The following CCSER1 variants were observed in gnomAD, a reference collection of about 807,000 sequenced individuals.
CCSER1 encodes coiled-coil serine rich protein 1, also known as serine-rich coiled-coil domain-containing protein 1.
Under a neutral mutation model 82.0 loss-of-function variants are expected in CCSER1, and 41 were observed. The observed-to-expected ratio is 0.50, with a 90% CI of 0.39 to 0.65. CCSER1 has a LOEUF of 0.65. Among genes scored for constraint, CCSER1 ranks in the 30% least tolerant of loss-of-function variants. The probability of loss-of-function intolerance (pLI) is 0.00; values close to 1 mark genes in which losing one functional copy is unlikely to be tolerated. For synonymous variants in CCSER1, 414 were observed against 383.9 expected, an observed-to-expected ratio of 1.08 and a Z score of -0.92; for missense variants, 1,119 against 1,064.2, an observed-to-expected ratio of 1.05 and a Z score of -0.72.
chr4:90,957,495 A>T lies in CCSER1; in HGVS notation c.2172+34048A>T, dbSNP rs1433690872. 4.0e-5 allele frequency among the ~76,000 whole-genome samples: 5 copies of T among 125,432 alleles called. No individual in the cohort carries two copies. The South Asian group carries it at 1.2e-3, about 30-fold the overall frequency. 82.3% of individuals were successfully genotyped at this position (125,432 alleles called of 152,430 possible). A position where few individuals can be genotyped will look rare whatever the true frequency, so the allele number is the denominator to read the frequency against. On this transcript the variant is annotated intron_variant, in intron 9 of 10. Transcript: ENST00000509176. Reference sequence around the variant, plus strand: ...ACATAATTTATATTATAATATTATTATATAATATTATATAATATAACATAA... The same window carrying T: ...ACATAATTTATATTATAATATTATTTTATAATATTATATAATATAACATAA...
chr4:91,544,693 C>G (rs1761790172), intron 10 of CCSER1, among the ~76,000 whole-genome samples: 1 of 152,160 alleles, frequency 6.6e-6, no homozygotes, highest in Non-Finnish European at 1.5e-5. Flanking sequence ...GAGGGGCACC[C>G]TGCTATGTGA....
chr4:91,403,825 G>A (rs1046441181), intron 10 of CCSER1, among the ~76,000 whole-genome samples: 8 of 152,026 alleles, frequency 5.3e-5, no homozygotes, highest in East Asian at 3.9e-4. Context: ...TTTTTGCATC[G>A]ATGTTCATCA....
chr4:90,337,301 T>G (rs76297802), intron 3 of CCSER1, among the ~76,000 whole-genome samples: 2,213 of 152,218 alleles, frequency 0.015, 69 homozygotes, highest in African/African-American at 0.05. Context: ...TCCATATTGA[T>G]CAAGGAGTGC....
intron 10 of CCSER1, among the ~76,000 whole-genome samples, chr4:91,278,181 G>A (rs894056901): frequency 6.6e-6 from 1 of 152,064 alleles, no homozygotes; most frequent in Admixed American, 6.5e-5. Flanking sequence ...GTAAATGTCT[G>A]CTAGGTCCAT....
At chr4:91,112,785 T>C (rs1030120865) in intron 10 of CCSER1, 2 of 152,192 alleles carry the variant, frequency 1.3e-5, no homozygotes, top group African/African-American at 4.8e-5. Flanking sequence ...ATCTTCAGCC[T>C]CTCTTCTATA....
chr4:90,767,842 A>ATT, intron 7 of CCSER1, among the ~76,000 whole-genome samples: 4 of 151,672 alleles, frequency 2.6e-5, no homozygotes, highest in Admixed American at 2.6e-4. Context: ...TTATTTTTGT[A>ATT]TTTTTTTGCC....
chr4:91,127,284 T>G (rs750192432), intron 10 of CCSER1, among the ~76,000 whole-genome samples: 1 of 151,936 alleles, frequency 6.6e-6, no homozygotes, highest in Non-Finnish European at 1.5e-5. Flanking sequence ...TGAAAAAAAT[T>G]GAGAGATCCT....
intron 10 of CCSER1, among the ~76,000 whole-genome samples, chr4:91,147,637 G>A (rs1198851299): frequency 1.3e-5 from 2 of 152,146 alleles, no homozygotes; most frequent in African/African-American, 4.8e-5. Context: ...TTTATTTTCT[G>A]GCCCCTTAGG....
chr4:91,463,747 G>C (rs113730283), intron 10 of CCSER1, among the ~76,000 whole-genome samples: 1,553 of 152,212 alleles, frequency 0.01, 11 homozygotes, highest in Middle Eastern at 0.02. Flanking sequence ...GGGAAGAAAG[G>C]GTATCAGTGA....
intron 5 of CCSER1, among the ~76,000 whole-genome samples, chr4:90,489,644 A>G (rs1235956163): frequency 6.6e-6 from 1 of 152,136 alleles, no homozygotes; most frequent in Non-Finnish European, 1.5e-5. Context: ...TACATTAGGT[A>G]TATTTCCTAA....
At chr4:91,319,166 T>C (rs7683541) in intron 10 of CCSER1, 145,233 of 220,732 alleles carry the variant, frequency 0.66, 48,419 homozygotes, top group African/African-American at 0.76. Flanking sequence ...AGATGATGCA[T>C]AAGTTTACAT....
chr4:90,234,203 C>T (rs1209227915), intron 1 of CCSER1, among the ~76,000 whole-genome samples: 2 of 151,444 alleles, frequency 1.3e-5, no homozygotes, highest in Non-Finnish European at 2.9e-5. Flanking sequence ...CGTACCTCAG[C>T]CTCTCTTATT....
intron 10 of CCSER1, among the ~76,000 whole-genome samples, chr4:91,279,106 T>C (rs967301493): frequency 1.3e-5 from 2 of 152,052 alleles, no homozygotes; most frequent in Non-Finnish European, 2.9e-5. Flanking sequence ...CATTCTCTCC[T>C]GGCCTGTGAG....
At chr4:91,487,901 T>C (rs1445289632) in intron 10 of CCSER1, among the ~76,000 whole-genome samples, 1 of 152,008 alleles carries the variant, frequency 6.6e-6, no homozygotes. Context: ...TATGACATGG[T>C]ATACATACCT....
chr4:91,200,816 A>C (rs1329546402), intron 10 of CCSER1, among the ~76,000 whole-genome samples: 1 of 152,026 alleles, frequency 6.6e-6, no homozygotes, highest in Non-Finnish European at 1.5e-5. Context: ...GGTTATGTAG[A>C]TACATTAATT....
At chr4:90,372,360 G>A (rs1225133684) in intron 3 of CCSER1, among the ~76,000 whole-genome samples, 1 of 152,146 alleles carries the variant, frequency 6.6e-6, no homozygotes, top group African/African-American at 2.4e-5. Context: ...GGAGAAGAAA[G>A]CAATATTGTG....
intron 8 of CCSER1, among the ~76,000 whole-genome samples, chr4:90,867,334 T>G (rs1765868588): frequency 6.6e-6 from 1 of 152,100 alleles, no homozygotes; most frequent in African/African-American, 2.4e-5. Flanking sequence ...GTAATTCATC[T>G]TTCAAATATT....
intron 6 of CCSER1, among the ~76,000 whole-genome samples, chr4:90,633,620 A>G (rs1432812810): frequency 6.6e-6 from 1 of 151,978 alleles, no homozygotes; most frequent in East Asian, 1.9e-4. Context: ...ACTGAACATC[A>G]TTGCAATTTC....
At chr4:91,466,610 A>G (rs1229151320) in intron 10 of CCSER1, among the ~76,000 whole-genome samples, 2 of 152,150 alleles carry the variant, frequency 1.3e-5, no homozygotes. Flanking sequence ...AAACCCCATC[A>G]TCTCAGCCCA....
Sources: gnomAD v4.1 joint callset for allele counts (sites outside exome capture counted in the v4.1 genomes callset) on GRCh38, gnomAD v4.1.1 for gene constraint, MANE v1.5 for transcripts, NCBI Gene and HGNC (gene_info 2026-07-23, HGNC 2026-07-21) for gene names.